The following KDELR2 variants were observed in gnomAD, a reference collection of about 807,000 sequenced individuals.
The protein encoded by KDELR2 is KDEL endoplasmic reticulum protein retention receptor 2.
Under a neutral mutation model 23.9 loss-of-function variants are expected in KDELR2, and 15 were observed. The observed-to-expected ratio is 0.63, with a 90% CI of 0.42 to 0.97. KDELR2 has a LOEUF of 0.97. Among genes scored for constraint, KDELR2 ranks in the 50% least tolerant of loss-of-function variants. The pLI, the probability that KDELR2 is intolerant of heterozygous loss-of-function variation, is 0.00. For missense variants in KDELR2, 272 were observed against 254.6 expected, an observed-to-expected ratio of 1.07 and a Z score of -0.46; for synonymous variants, 119 against 106.2, an observed-to-expected ratio of 1.12 and a Z score of -0.74.
At chr7:6,478,161 C>T (rs745914513) in intron 1 of KDELR2, among the ~76,000 whole-genome samples, 6 of 151,796 alleles carry the variant, frequency 4.0e-5, no homozygotes, top group Non-Finnish European at 7.4e-5. Flanking sequence ...GCCCGCCCCC[C>T]GGTTTTTTTT....
intron 4 of KDELR2, 99 bp downstream of exon 4, chr7:6,465,972 C>T: frequency 8.0e-7 from 1 of 1,248,490 alleles, no homozygotes; most frequent in Non-Finnish European, 1.1e-6. Context: ...TTCTCTGGAG[C>T]CAGTTTATGA....
intron 1 of KDELR2, among the ~76,000 whole-genome samples, chr7:6,474,654 A>G (rs1785718524): frequency 1.3e-5 from 2 of 152,158 alleles, no homozygotes; most frequent in Admixed American, 6.6e-5. Flanking sequence ...TGTCTCTTAC[A>G]TTCAGATTTT....
At chr7:6,470,281 C>G (rs117962778) in intron 2 of KDELR2, 3,476 of 152,462 alleles carry the variant, frequency 0.023, 62 homozygotes, top group Middle Eastern at 0.054. Flanking sequence ...ATGCTCTCCC[C>G]GAGTCCACGT....
At chr7:6,477,513 C>T (rs1785781067) in intron 1 of KDELR2, among the ~76,000 whole-genome samples, 1 of 152,206 alleles carries the variant, frequency 6.6e-6, no homozygotes, top group South Asian at 2.1e-4. Flanking sequence ...TCCCAGAATA[C>T]TCACTTTTGT....
chr7:6,472,812 T>C (rs1349815110), intron 2 of KDELR2, among the ~76,000 whole-genome samples: 1 of 151,868 alleles, frequency 6.6e-6, no homozygotes, highest in East Asian at 1.9e-4. Flanking sequence ...GAATAGTGCC[T>C]GGTGCACAGG....
intron 1 of KDELR2, among the ~76,000 whole-genome samples, chr7:6,476,466 T>C (rs771525286): frequency 2.0e-5 from 3 of 152,244 alleles, no homozygotes; most frequent in Non-Finnish European, 4.4e-5. Flanking sequence ...CTGGTGTTTG[T>C]TGAAGCCTTG....
intron 2 of KDELR2, among the ~76,000 whole-genome samples, chr7:6,473,177 C>T (rs1562500932): frequency 6.7e-6 from 1 of 148,310 alleles, no homozygotes; most frequent in Non-Finnish European, 1.5e-5. Context: ...CCCACCTTGG[C>T]CTCCCAAAGT....
intron 4 of KDELR2, 30 bp from the exon 5 acceptor site, chr7:6,463,205 A>G: frequency 6.3e-7 from 1 of 1,582,592 alleles, no homozygotes; most frequent in Middle Eastern, 1.7e-4. Flanking sequence ...AAAAGAAAAC[A>G]AAAGGTTACT....
intron 1 of KDELR2, among the ~76,000 whole-genome samples, chr7:6,474,488 C>T (rs368591529): frequency 1.3e-5 from 2 of 152,154 alleles, no homozygotes; most frequent in East Asian, 3.8e-4. Flanking sequence ...GAGGCTCTAA[C>T]AGGCTTTTCT....
intron 1 of KDELR2, among the ~76,000 whole-genome samples, chr7:6,481,225 C>T (rs755167899): frequency 1.1e-4 from 17 of 151,730 alleles, no homozygotes; most frequent in Non-Finnish European, 2.2e-4. Flanking sequence ...AAAAATTAGC[C>T]GAGCGTGGTG....
rs768047742 is a variant in KDELR2 at position 6,474,383 on chromosome 7, G to A, written c.92-99C>T. On this transcript the variant is annotated intron_variant, in intron 1 of 4. Transcript: ENST00000258739. ...AGTGCAGACAGGGAAGGAGGGGTGC[G>A]TGGGGTCAAGGCCCAGGTCTAGGGA... 8.1e-5 allele frequency: 64 copies of A among 786,652 alleles called. No homozygotes were observed. The East Asian group carries it at 1.0e-3, about 13-fold the overall frequency. 48.7% of individuals were successfully genotyped at this position (786,652 alleles called of 1,614,324 possible).
At chr7:6,474,395 C>A in intron 1 of KDELR2, 111 bp from the exon 2 acceptor site, 2 of 719,564 alleles carry the variant, frequency 2.8e-6, no homozygotes. Flanking sequence ...GGGGTCAAGG[C>A]CCAGGTCTAG....
intron 4 of KDELR2, 79 bp downstream of exon 4, chr7:6,465,992 A>C: frequency 1.4e-6 from 2 of 1,451,818 alleles, no homozygotes; most frequent in Admixed American, 3.9e-5. Flanking sequence ...AGAGAGTGCC[A>C]GATTAGAAGA....
chr7:6,481,142 G>A (rs1785880026), intron 1 of KDELR2, among the ~76,000 whole-genome samples: 1 of 152,234 alleles, frequency 6.6e-6, no homozygotes, highest in East Asian at 1.9e-4. Flanking sequence ...AGGCCGAAGC[G>A]GGCGGATCAT....
chr7:6,465,385 G>A (rs991970986), intron 4 of KDELR2, among the ~76,000 whole-genome samples: 4 of 151,366 alleles, frequency 2.6e-5, no homozygotes, highest in Admixed American at 1.3e-4. Context: ...GGGGTTTCAC[G>A]TGTTAGCCAG....
chr7:6,475,811 T>C (rs1209318587), intron 1 of KDELR2, among the ~76,000 whole-genome samples: 1 of 152,252 alleles, frequency 6.6e-6, no homozygotes, highest in African/African-American at 2.4e-5. Context: ...CTATAATGCA[T>C]ACTTCACACC....
At position 6,462,931 on chromosome 7, in the gene KDELR2, G is replaced by C. The variant is rs1785417988; in HGVS notation, c.*210C>G. 1 of 1,540,492 alleles carries C rather than the reference G, an allele frequency of 6.5e-7. No homozygotes were observed. The highest frequency in any genetic ancestry group is 8.8e-7 in the Non-Finnish European group (1 of 1,132,966). On this transcript the variant is annotated 3_prime_UTR_variant, in exon 5 of 5. Transcript: ENST00000258739. ...AGTTTCTTTGTGTAAAAAAATCTTT[G>C]TACACAGTAATAAAAAAAGATAAGG... is the stretch of plus-strand genomic sequence containing the variant.
intron 1 of KDELR2, among the ~76,000 whole-genome samples, chr7:6,479,667 T>G (rs757124838): frequency 2.0e-5 from 3 of 152,044 alleles, no homozygotes; most frequent in Non-Finnish European, 4.4e-5. Flanking sequence ...TTAATAGAGA[T>G]GGGGTTTCAC....
chr7:6,464,564 C>T (rs549064482), intron 4 of KDELR2, among the ~76,000 whole-genome samples: 88 of 151,690 alleles, frequency 5.8e-4, no homozygotes, highest in African/African-American at 1.7e-3. Context: ...TGGTAGTGCG[C>T]GACTGTAATC....
Sources: allele counts gnomAD v4.1 joint callset (sites outside exome capture counted in the v4.1 genomes callset), GRCh38; gene constraint gnomAD v4.1.1; transcripts MANE v1.5; gene names NCBI Gene and HGNC (gene_info 2026-07-23, HGNC 2026-07-21).